Variants in UBASH3B observed in about 807,000 individuals in gnomAD.
The protein encoded by UBASH3B is ubiquitin associated and SH3 domain containing B, also known as ubiquitin-associated and SH3 domain-containing protein B.
In UBASH3B, 37 loss-of-function variants were observed where a neutral mutation model predicts 83.4. The observed-to-expected ratio is 0.44, with a 90% CI of 0.34 to 0.58. The LOEUF (loss-of-function observed/expected upper bound fraction) is 0.58. Ranked by LOEUF, UBASH3B falls within the 20% of genes least tolerant of loss-of-function variation. The pLI is 0.01. For synonymous variants in UBASH3B, 304 were observed against 318.3 expected, an observed-to-expected ratio of 0.96 and a Z score of 0.48; for missense variants, 657 against 827.2, an observed-to-expected ratio of 0.79 and a Z score of 2.52.
chr11:122,662,371 T>C (rs7932357), intron 1 of UBASH3B, among the ~76,000 whole-genome samples: 58,519 of 151,670 alleles, frequency 0.39, 11,466 homozygotes, highest in African/African-American at 0.43. Flanking sequence ...TACCCCTTTG[T>C]GGTTAGTCCT....
rs542776321 is a variant in UBASH3B at position 122,674,548 on chromosome 11, T to A, written c.161+18338T>A. On this transcript the variant is annotated intron_variant, in intron 1 of 13. Transcript: ENST00000284273. ...GGCGCCCGCCACCACACCCGGCTAATTTTTTTGCATTTTTAGTAGAGACAG... is the reference window on the plus strand; with the variant it reads ...GGCGCCCGCCACCACACCCGGCTAAATTTTTTGCATTTTTAGTAGAGACAG... Among the ~76,000 whole-genome samples the A allele has an allele frequency of 1.6e-3, 250 of 151,858 alleles. 1 individual carries two copies. The highest frequency in any genetic ancestry group is 5.4e-3 in the African/African-American group (223 of 41,408).
At position 122,783,217 on chromosome 11, in the gene UBASH3B, C is replaced by T. The variant is rs766418698; in HGVS notation, c.766C>T (p.His256Tyr). The T allele has an allele frequency of 5.6e-6, 9 of 1,613,390 alleles. No individual in the cohort carries two copies. In the East Asian group the frequency reaches 1.3e-4, roughly 24 times the overall value. Residue 256 changes from histidine (H) to tyrosine (Y), a missense_variant, in exon 5 of 14, where the codon CAT (histidine) becomes TAT (tyrosine). Transcript: ENST00000284273. ...IFSRDIRFAN[H>Y]ETLQVIYPYT... Reference sequence around the variant, plus strand: ...TTCTCGGGATATCCGATTTGCTAACCATGAGGTAATGTCTCACTGTGGTTC... The same window carrying T: ...TTCTCGGGATATCCGATTTGCTAACTATGAGGTAATGTCTCACTGTGGTTC...
At position 122,718,527 on chromosome 11, in the gene UBASH3B, G is replaced by A. The variant is rs1018755019; in HGVS notation, c.162-57692G>A. Among the ~76,000 whole-genome samples the A allele has an allele frequency of 7.2e-5, 11 of 152,146 alleles. 1 individual carries two copies. ...ACTGGCTTCTTGATCCATCAAATGG[G>A]ATATTTAGGGGGGAAATGGGATAGT... is the stretch of plus-strand genomic sequence containing the variant. On this transcript the variant is annotated intron_variant, in intron 1 of 13. Transcript: ENST00000284273.
rs951430994 is a variant in UBASH3B at position 122,655,788 on chromosome 11, C to G, written c.-262C>G. ...GCGGAGGAGACAGGGCTACTGCAGGCGCAGAGCTGGGGGCAGCCGGGGGCC... is the reference window on the plus strand; with the variant it reads ...GCGGAGGAGACAGGGCTACTGCAGGGGCAGAGCTGGGGGCAGCCGGGGGCC... On this transcript the variant is annotated 5_prime_UTR_variant, in exon 1 of 14. Transcript: ENST00000284273. The G allele has an allele frequency of 4.8e-6, 2 of 414,842 alleles. No individual in the cohort carries two copies. Among genetic ancestry groups the G allele is most frequent in the Non-Finnish European group, 8.6e-6 (2 of 233,522 alleles). 25.7% of individuals were successfully genotyped at this position (414,842 alleles called of 1,614,324 possible).
intron 1 of UBASH3B, among the ~76,000 whole-genome samples, chr11:122,665,138 C>T (rs937345627): frequency 6.6e-6 from 1 of 152,188 alleles, no homozygotes; most frequent in Non-Finnish European, 1.5e-5. Context: ...CATCTCCTGA[C>T]CTAGGCCTGC....
intron 1 of UBASH3B, among the ~76,000 whole-genome samples, chr11:122,768,096 C>T (rs374297252): frequency 2.0e-5 from 3 of 152,156 alleles, no homozygotes; most frequent in African/African-American, 7.2e-5. Flanking sequence ...GAGTAGTTTG[C>T]TATCTGGGAC....
intron 10 of UBASH3B, among the ~76,000 whole-genome samples, chr11:122,800,833 T>C (rs907960578): frequency 6.6e-6 from 1 of 152,008 alleles, no homozygotes; most frequent in African/African-American, 2.4e-5. Context: ...TTCTCAACTC[T>C]TGGACTCAAG....
chr11:122,786,088 C>T (rs1441081049), intron 5 of UBASH3B, among the ~76,000 whole-genome samples: 3 of 152,018 alleles, frequency 2.0e-5, no homozygotes, highest in African/African-American at 4.8e-5. Context: ...CTTACTCTGT[C>T]GCCCAGGCTG....
chr11:122,779,503 G>A lies in UBASH3B; in HGVS notation c.409G>A (p.Asp137Asn), dbSNP rs1219734246. ...TGCCTGTTTTCCCTGCCAGTGCGAGGACAGCAAGGTGGATGCCCTGGGGGA... is the reference window on the plus strand; with the variant it reads ...TGCCTGTTTTCCCTGCCAGTGCGAGAACAGCAAGGTGGATGCCCTGGGGGA... ...ITLCQFFMCE[D>N]SKVDALGEAL... is the part of the protein sequence containing the mutation. Residue 137 changes from aspartate to asparagine, a missense_variant, in exon 4 of 14, where the codon GAC (aspartate) becomes AAC (asparagine). Asp to Asn is a conservative substitution (Grantham distance 23). Transcript: ENST00000284273. The A allele has an allele frequency of 1.2e-6, 2 of 1,613,814 alleles. No individual in the cohort carries two copies. Among genetic ancestry groups the A allele is most frequent in the East Asian group, 4.5e-5 (2 of 44,886 alleles).
chr11:122,686,680 G>A (rs919694673), intron 1 of UBASH3B, among the ~76,000 whole-genome samples: 1 of 151,932 alleles, frequency 6.6e-6, no homozygotes, highest in African/African-American at 2.4e-5. Flanking sequence ...GAGAATGAAG[G>A]CCCTGTCTCT....
intron 3 of UBASH3B, among the ~76,000 whole-genome samples, chr11:122,778,554 AT>A (rs56698309): frequency 1.1e-3 from 144 of 127,118 alleles, no homozygotes; most frequent in Admixed American, 1.8e-3. Context: ...ACATTCCTTC[AT>A]TTTTTTTTTT....
At chr11:122,753,621 C>T (rs543897991) in intron 1 of UBASH3B, among the ~76,000 whole-genome samples, 5 of 151,078 alleles carry the variant, frequency 3.3e-5, no homozygotes, top group South Asian at 4.2e-4. Context: ...CTCAGCCTCC[C>T]GAGTAGCTGG....
At chr11:122,705,250 C>T (rs1194641401) in intron 1 of UBASH3B, among the ~76,000 whole-genome samples, 1 of 151,976 alleles carries the variant, frequency 6.6e-6, no homozygotes, top group Non-Finnish European at 1.5e-5. Context: ...AGTTTGAGAC[C>T]AGTCTGGCCA....
intron 1 of UBASH3B, among the ~76,000 whole-genome samples, chr11:122,718,751 G>A (rs1860569150): frequency 6.6e-6 from 1 of 152,142 alleles, no homozygotes; most frequent in Admixed American, 6.5e-5. Context: ...GTTTTGTGGC[G>A]GGAGGGATAA....
intron 1 of UBASH3B, among the ~76,000 whole-genome samples, chr11:122,667,286 A>T (rs1167080416): frequency 6.6e-6 from 1 of 151,652 alleles, no homozygotes; most frequent in Non-Finnish European, 1.5e-5. Flanking sequence ...ACCTCAGGTG[A>T]TCACCCGCCT....
intron 5 of UBASH3B, among the ~76,000 whole-genome samples, chr11:122,786,046 T>G (rs1291169255): frequency 6.6e-6 from 1 of 151,030 alleles, no homozygotes; most frequent in Non-Finnish European, 1.5e-5. Flanking sequence ...TTTGTTTTTG[T>G]TTTTTGTTTT....
chr11:122,668,374 C>T (rs1287250498), intron 1 of UBASH3B, among the ~76,000 whole-genome samples: 1 of 152,202 alleles, frequency 6.6e-6, no homozygotes, highest in African/African-American at 2.4e-5. Context: ...ATATGGTTTT[C>T]TCTGTCTTTT....
chr11:122,748,348 C>T (rs1016624690), intron 1 of UBASH3B, among the ~76,000 whole-genome samples: 3 of 152,174 alleles, frequency 2.0e-5, no homozygotes, highest in Non-Finnish European at 4.4e-5. Flanking sequence ...TAATGAACCC[C>T]CATGTATCTT....
In UBASH3B at chr11:122,803,178, T is replaced by C. The variant is rs553110267; in HGVS notation, c.1595+1846T>C. Among the ~76,000 whole-genome samples the C allele has an allele frequency of 4.6e-5, 7 of 151,914 alleles. No homozygotes were observed. The South Asian group carries it at 1.3e-3, about 27-fold the overall frequency. ...AACCATTTTCTGTTTGGCGAGGGAG[T>C]TGGGGTAGGAGATGAAGCCTCTAAT... On this transcript the variant is annotated intron_variant, in intron 11 of 13. Coordinates refer to ENST00000284273, the MANE Select transcript of UBASH3B (RefSeq NM_032873.5).
Sources: gnomAD v4.1 joint callset for allele counts (sites outside exome capture counted in the v4.1 genomes callset) on GRCh38, gnomAD v4.1.1 for gene constraint, MANE v1.5 for transcripts, NCBI Gene and HGNC (gene_info 2026-07-23, HGNC 2026-07-21) for gene names.